The following ZBTB17 variants were observed in gnomAD, a reference collection of about 807,000 sequenced individuals.
The protein encoded by ZBTB17 is zinc finger and BTB domain containing 17.
Under a neutral mutation model 85.1 loss-of-function variants are expected in ZBTB17, and 24 were observed. The ratio of observed to expected loss-of-function variants is 0.28; its 90% CI spans 0.20 to 0.40. ZBTB17 has a LOEUF of 0.40. Ranked by LOEUF, ZBTB17 falls within the 10% of genes least tolerant of loss-of-function variation. The pLI, the probability that ZBTB17 is intolerant of heterozygous loss-of-function variation, is 1.00. For missense variants in ZBTB17, 743 were observed against 1,105.1 expected (o/e 0.67, Z 4.65); for synonymous variants, 464 against 460.2 (o/e 1.01, Z -0.11).
intron 2 of ZBTB17, among the ~76,000 whole-genome samples, chr1:15,967,563 C>G (rs2072490552): frequency 6.6e-6 from 1 of 151,786 alleles, no homozygotes; most frequent in South Asian, 2.1e-4. Flanking sequence ...AACTTACTTT[C>G]CACAGGTACA....
chr1:15,944,411 G>T lies in ZBTB17; in HGVS notation c.1260C>A (p.Cys420Ter). The T allele has an allele frequency of 6.4e-7, 1 of 1,565,768 alleles. No individual in the cohort carries two copies. Reference sequence around the variant, plus strand: ...CGGAGAAGGAGCGGCCGCAGTAGTCGCACTGGTAGGGCTTCTCGCCGCTGT... The same window carrying T: ...CGGAGAAGGAGCGGCCGCAGTAGTCTCACTGGTAGGGCTTCTCGCCGCTGT... ...LVHSGEKPYQ[C>*]DYCGRSFSDP... The change falls in exon 9 of 16, where the codon TGC becomes TGA. Residue 420 changes from cysteine (C) to a stop codon, truncating the protein, a stop_gained. Coordinates refer to ENST00000375743, the MANE Select transcript of ZBTB17 (RefSeq NM_003443.3). LOFTEE classifies it high-confidence loss of function.
At chr1:15,960,045 C>A (rs2072200242) in intron 2 of ZBTB17, among the ~76,000 whole-genome samples, 1 of 152,234 alleles carries the variant, frequency 6.6e-6, no homozygotes, top group Non-Finnish European at 1.5e-5. Context: ...TGTCCTCGTG[C>A]TCAAACAGAG....
rs185938231 is a variant in ZBTB17 at position 15,975,548 on chromosome 1, C to A, written c.-90+435G>T. 6.5e-3 allele frequency among the ~76,000 whole-genome samples: 984 copies of A among 152,338 alleles called. 8 individuals are homozygous for A. The highest frequency in any genetic ancestry group is 0.02 in the Middle Eastern group (6 of 294). On this transcript the variant is annotated intron_variant, in intron 1 of 15. Coordinates refer to ENST00000375743, the MANE Select transcript of ZBTB17 (RefSeq NM_003443.3). ...ACAGCGTCGGCCTCCTCTGTCAGCT[C>A]CTCCTAGGCCCGGGCAGCCCCGCTC...
chr1:15,945,907 ACCAGC>A, intron 5 of ZBTB17, 67 bp from the exon 6 acceptor site: 1 of 1,564,280 alleles, frequency 6.4e-7, no homozygotes, highest in South Asian at 1.2e-5. Flanking sequence ...CCTCTCCTGG[ACCAGC>A]GCGCTGGTGG....
Position 15,944,315 on chromosome 1 carries a change from G to A in ZBTB17, c.1356C>T (p.Asp452=), listed in dbSNP as rs1376879403. 5 of 1,552,956 alleles carry A rather than the reference G, an allele frequency of 3.2e-6. No homozygotes were observed. In the African/African-American group the frequency reaches 6.8e-5, roughly 21 times the overall value. The change falls in exon 9 of 16, where the codon GAC becomes GAT. Residue 452 remains aspartate, a synonymous_variant. Transcript: ENST00000375743. ...GTCCGCACACCTGGTTGAACTTCTTGTCGCAGTGTGGGCACTTGTGCTCCT... is the reference window on the plus strand; with the variant it reads ...GTCCGCACACCTGGTTGAACTTCTTATCGCAGTGTGGGCACTTGTGCTCCT... ...TDKEHKCPHC[D]KKFNQVGNLK...
At chr1:15,965,940 G>A (rs1263977633) in intron 2 of ZBTB17, among the ~76,000 whole-genome samples, 1 of 152,178 alleles carries the variant, frequency 6.6e-6, no homozygotes. Context: ...GGACACAGGG[G>A]ACTCCAAAGG....
chr1:15,972,376 A>G (rs1015806364), intron 2 of ZBTB17, among the ~76,000 whole-genome samples: 1 of 152,196 alleles, frequency 6.6e-6, no homozygotes, highest in African/African-American at 2.4e-5. Flanking sequence ...TCACACCCCC[A>G]AGAGAGTAAT....
At chr1:15,958,975 AG>A (rs1406401520) in intron 2 of ZBTB17, among the ~76,000 whole-genome samples, 1 of 152,156 alleles carries the variant, frequency 6.6e-6, no homozygotes, top group Admixed American at 6.5e-5. Context: ...GGGACTTGAA[AG>A]GGGGAGATGA....
At chr1:15,944,895 G>C in intron 7 of ZBTB17, 42 bp downstream of exon 7, 2 of 1,563,518 alleles carry the variant, frequency 1.3e-6, no homozygotes, top group Non-Finnish European at 1.7e-6. Context: ...AGGCCGGAGG[G>C]GAGGGACGCT....
At chr1:15,948,829 T>C (rs1244236341) in intron 2 of ZBTB17, among the ~76,000 whole-genome samples, 1 of 152,216 alleles carries the variant, frequency 6.6e-6, no homozygotes, top group Non-Finnish European at 1.5e-5. Flanking sequence ...AACACTGAAA[T>C]GTGTCATCAT....
chr1:15,943,386 G>T lies in ZBTB17; in HGVS notation c.1697+13C>A. The T allele has an allele frequency of 6.3e-7, 1 of 1,586,586 alleles. No homozygotes were observed. The highest frequency in any genetic ancestry group is 8.6e-7 in the Non-Finnish European group (1 of 1,165,322). On this transcript the variant is annotated intron_variant, in intron 12 of 15. Transcript: ENST00000375743. ...GGGTGTCTGGCCAGTGGGTGTGGGGGAGGGGGCAGGACCTCTTGCCGCAGC... is the reference window on the plus strand; with the variant it reads ...GGGTGTCTGGCCAGTGGGTGTGGGGTAGGGGGCAGGACCTCTTGCCGCAGC...
intron 2 of ZBTB17, among the ~76,000 whole-genome samples, chr1:15,957,565 C>T (rs558297973): frequency 1.3e-5 from 2 of 152,072 alleles, no homozygotes; most frequent in Non-Finnish European, 2.9e-5. Context: ...TTGGGAGTGA[C>T]GAAGAGTGAC....
At chr1:15,965,079 A>G (rs1397571357) in intron 2 of ZBTB17, among the ~76,000 whole-genome samples, 1 of 151,090 alleles carries the variant, frequency 6.6e-6, no homozygotes, top group Admixed American at 6.6e-5. Context: ...GCGCCACTGC[A>G]CTCCAGCCGG....
At chr1:15,947,370 G>T in intron 3 of ZBTB17, 2 of 520,020 alleles carry the variant, frequency 3.8e-6, no homozygotes, top group Non-Finnish European at 3.5e-6. Flanking sequence ...CAAAAGGTGT[G>T]AACGCCCACC....
At chr1:15,967,702 G>C (rs2072494906) in intron 2 of ZBTB17, among the ~76,000 whole-genome samples, 1 of 152,030 alleles carries the variant, frequency 6.6e-6, no homozygotes, top group Non-Finnish European at 1.5e-5. Flanking sequence ...AGTAATTATG[G>C]AGCCAGGGAC....
rs564406387 is a variant in ZBTB17 at position 15,969,939 on chromosome 1, T to C, written c.-3+3100A>G. ...AGGTGTGAATCTGCCCTCCCATTGA[T>C]TGTCACATGTGGTTTGCTGGTGGCT... On this transcript the variant is annotated intron_variant, in intron 2 of 15. Coordinates refer to ENST00000375743, the MANE Select transcript of ZBTB17 (RefSeq NM_003443.3). 201 of 711,050 alleles carry C rather than the reference T, an allele frequency of 2.8e-4. No individual in the cohort carries two copies. In the African/African-American group the frequency reaches 3.1e-3, roughly 11 times the overall value. The allele number at this position is 711,050 out of a possible 1,614,324, so 44.0% of individuals were successfully genotyped here.
rs766998489 is a variant in ZBTB17 at position 15,941,962 on chromosome 1, C to T, written c.*7G>A. 16 of 1,588,698 alleles carry T rather than the reference C, an allele frequency of 1.0e-5. No individual in the cohort carries two copies. The East Asian group carries it at 2.0e-4, about 20-fold the overall frequency. ...TCCTTAAATAAACAGTCAGAAGGGC[C>T]GCCAGCTCACTCGGCAGGCGGGGGA... On this transcript the variant is annotated 3_prime_UTR_variant, in exon 16 of 16. Transcript: ENST00000375743.
chr1:15,946,531 C>T (rs2071619497), intron 4 of ZBTB17, among the ~76,000 whole-genome samples: 1 of 152,184 alleles, frequency 6.6e-6, no homozygotes, highest in African/African-American at 2.4e-5. Flanking sequence ...ACATGCAGAC[C>T]CCATGTGTGC....
chr1:15,946,018 T>C (rs751718081), intron 5 of ZBTB17, 136 bp downstream of exon 5: 122 of 1,551,026 alleles, frequency 7.9e-5, no homozygotes, highest in Non-Finnish European at 9.9e-5. Flanking sequence ...GAACACACAA[T>C]AGGTCATTCT....
Sources: allele counts gnomAD v4.1 joint callset (sites outside exome capture counted in the v4.1 genomes callset), GRCh38; gene constraint gnomAD v4.1.1; transcripts MANE v1.5; gene names NCBI Gene and HGNC (gene_info 2026-07-23, HGNC 2026-07-21).